Variants in NCKAP5 observed in about 807,000 individuals in gnomAD.
NCKAP5 encodes the protein nck-associated protein 5.
NCKAP5 carries 92 observed loss-of-function variants against 167.0 expected under a neutral mutation model. The observed-to-expected ratio is 0.55, with a 90% CI of 0.47 to 0.66. The LOEUF is 0.66. Among genes scored for constraint, NCKAP5 ranks in the 30% least tolerant of loss-of-function variants. The pLI is 0.00. For missense variants in NCKAP5, 2,378 were observed against 2,315.0 expected (o/e 1.03, Z -0.56); for synonymous variants, 891 against 877.4 (o/e 1.02, Z -0.27).
intron 2 of NCKAP5, among the ~76,000 whole-genome samples, chr2:133,556,108 T>C (rs912397695): frequency 1.3e-5 from 2 of 152,156 alleles, no homozygotes; most frequent in African/African-American, 4.8e-5. Flanking sequence ...GGTGGTTACC[T>C]TAGAGAATGT....
chr2:133,300,643 C>T (rs1448077699), intron 4 of NCKAP5, among the ~76,000 whole-genome samples: 21 of 125,016 alleles, frequency 1.7e-4, no homozygotes, highest in Non-Finnish European at 1.6e-5. Context: ...ATAATAAGAG[C>T]TATCTATGAC....
chr2:133,585,165 G>C, the NCKAP5 span, among the ~76,000 whole-genome samples: 1 of 152,130 alleles, frequency 6.6e-6, no homozygotes, highest in Non-Finnish European at 1.5e-5. Context: ...AAGATAAAAT[G>C]AGGGCAAAAT....
intron 8 of NCKAP5, among the ~76,000 whole-genome samples, chr2:132,920,775 A>ATGTATG (rs1558943316): frequency 9.6e-4 from 6 of 6,240 alleles, no homozygotes; most frequent in African/African-American, 1.9e-3. Context: ...ATGTATGTAT[A>ATGTATG]TATATATATA....
At chr2:132,724,824 A>C (rs1260698931) in intron 19 of NCKAP5, among the ~76,000 whole-genome samples, 1 of 152,000 alleles carries the variant, frequency 6.6e-6, no homozygotes, top group Admixed American at 6.6e-5. Flanking sequence ...CAACGCAAAT[A>C]CCAAGATTCT....
intron 11 of NCKAP5, among the ~76,000 whole-genome samples, chr2:132,859,203 G>A (rs1454558036): frequency 2.0e-5 from 3 of 152,130 alleles, no homozygotes; most frequent in Admixed American, 6.5e-5. Flanking sequence ...TAGGAGATGA[G>A]ATCTATTTTA....
chr2:133,520,867 G>A (rs757492853), intron 2 of NCKAP5, among the ~76,000 whole-genome samples: 16 of 152,154 alleles, frequency 1.1e-4, no homozygotes, highest in Non-Finnish European at 2.2e-4. Flanking sequence ...AGTCCAATCA[G>A]GGCTGACAAT....
the NCKAP5 span, among the ~76,000 whole-genome samples, chr2:133,645,078 A>G: frequency 6.6e-6 from 1 of 152,216 alleles, no homozygotes; most frequent in African/African-American, 2.4e-5. Flanking sequence ...GACAAGGCAG[A>G]TGTCAATCAA....
chr2:133,217,120 G>A (rs1192000390), intron 4 of NCKAP5, among the ~76,000 whole-genome samples: 1 of 152,080 alleles, frequency 6.6e-6, no homozygotes, highest in East Asian at 1.9e-4. Context: ...GGCAAAATAA[G>A]AAGTCACTAT....
intron 3 of NCKAP5, among the ~76,000 whole-genome samples, chr2:133,326,458 C>CAAAAAAAAAAAAAAA (rs34750625): frequency 8.2e-5 from 4 of 49,012 alleles, no homozygotes; most frequent in African/African-American, 2.7e-4. Context: ...TCAGTCTCAA[C>CAAAAAAAAAAAAAAA]AAAAAAAAAA....
chr2:133,321,715 A>C (rs772025997), intron 3 of NCKAP5, among the ~76,000 whole-genome samples: 1 of 152,218 alleles, frequency 6.6e-6, no homozygotes. Context: ...ACCTGACTCC[A>C]TTGGTTTCAA....
At chr2:133,437,356 A>T (rs561914060) in intron 3 of NCKAP5, among the ~76,000 whole-genome samples, 1 of 152,154 alleles carries the variant, frequency 6.6e-6, no homozygotes, top group African/African-American at 2.4e-5. Context: ...CTGTCTCAAA[A>T]AAAAAAAAAG....
chr2:133,052,682 C>T (rs2079646932), intron 6 of NCKAP5, among the ~76,000 whole-genome samples: 1 of 150,254 alleles, frequency 6.7e-6, no homozygotes, highest in Non-Finnish European at 1.5e-5. Context: ...TGTGCCACTG[C>T]ACTCCAGCCT....
the NCKAP5 span, among the ~76,000 whole-genome samples, chr2:133,643,289 C>G: frequency 6.6e-6 from 1 of 152,186 alleles, no homozygotes; most frequent in Non-Finnish European, 1.5e-5. Context: ...TTACTCTAAA[C>G]TCAGTAGGAA....
intron 3 of NCKAP5, among the ~76,000 whole-genome samples, chr2:133,474,155 TACAC>T (rs1553649111): frequency 0.019 from 2,707 of 142,632 alleles, 96 homozygotes; most frequent in African/African-American, 0.072. Context: ...TATCTATCTA[TACAC>T]ACACACACAC....
chr2:133,141,628 G>T lies in NCKAP5; in HGVS notation c.208-11517C>A, dbSNP rs79326702. Among the ~76,000 whole-genome samples, 176 of 152,290 alleles carry T rather than the reference G, an allele frequency of 1.2e-3. 1 individual carries two copies. In the East Asian group the frequency reaches 0.034, roughly 29 times the overall value. On this transcript the variant is annotated intron_variant, in intron 5 of 19. Coordinates refer to ENST00000409261, the MANE Select transcript of NCKAP5 (RefSeq NM_207363.3). ...AAGCTTTTGTTTTAAATCTGCCAGG[G>T]AGGACCTCAGTAATGATTAATTTCT...
chr2:133,552,370 A>C (rs1354467907), intron 2 of NCKAP5, among the ~76,000 whole-genome samples: 1 of 130,372 alleles, frequency 7.7e-6, no homozygotes, highest in Non-Finnish European at 1.6e-5. Context: ...GATAGACTGG[A>C]TTAAGAAAAT....
chr2:133,292,294 C>A (rs1679656161), intron 4 of NCKAP5, among the ~76,000 whole-genome samples: 1 of 151,390 alleles, frequency 6.6e-6, no homozygotes, highest in Non-Finnish European at 1.5e-5. Context: ...TTTCATTTCT[C>A]CTTCTAGATT....
At chr2:133,645,162 A>C in the NCKAP5 span, among the ~76,000 whole-genome samples, 6 of 152,240 alleles carry the variant, frequency 3.9e-5, no homozygotes, top group African/African-American at 1.4e-4. Flanking sequence ...CTCACAGTTC[A>C]TATGGTAACA....
intron 3 of NCKAP5, among the ~76,000 whole-genome samples, chr2:133,458,019 G>A (rs1423685816): frequency 6.6e-6 from 1 of 152,124 alleles, no homozygotes; most frequent in African/African-American, 2.4e-5. Context: ...AATCTGTTAT[G>A]AGCTTGGCTG....
Sources: allele counts gnomAD v4.1 joint callset (sites outside exome capture counted in the v4.1 genomes callset), GRCh38; gene constraint gnomAD v4.1.1; transcripts MANE v1.5; gene names NCBI Gene and HGNC (gene_info 2026-07-23, HGNC 2026-07-21).